The following ODR4 variants were observed in gnomAD, a reference collection of about 807,000 sequenced individuals.
ODR4 encodes the protein odr-4 GPCR localization factor homolog.
Under a neutral mutation model 60.2 loss-of-function variants are expected in ODR4, and 47 were observed. That is an observed-to-expected ratio of 0.78 (90% CI 0.62 to 1.00). The LOEUF is 1.00. ODR4 is among the 50% of genes least tolerant of loss of function. The probability of loss-of-function intolerance (pLI) is 0.00; values close to 1 mark genes in which losing one functional copy is unlikely to be tolerated. For missense variants in ODR4, 488 were observed against 530.8 expected, an observed-to-expected ratio of 0.92 and a Z score of 0.79; for synonymous variants, 178 against 175.5, an observed-to-expected ratio of 1.01 and a Z score of -0.11.
chr1:186,385,915 C>T, intron 3 of ODR4, 73 bp from the exon 4 acceptor site: 1 of 898,146 alleles, frequency 1.1e-6, no homozygotes, highest in Non-Finnish European at 1.8e-6. Flanking sequence ...ACATGCTAAG[C>T]AGACAGTTTC....
the ODR4 span, among the ~76,000 whole-genome samples, chr1:186,433,622 G>A: frequency 7.2e-5 from 11 of 151,962 alleles, no homozygotes; most frequent in African/African-American, 1.9e-4. Flanking sequence ...ACTCTGTGGC[G>A]CAGACTGGAG....
intron 13 of ODR4, 104 bp downstream of exon 13, chr1:186,417,758 A>G (rs1661627046): frequency 5.9e-6 from 4 of 673,880 alleles, no homozygotes; most frequent in Non-Finnish European, 1.0e-5. Context: ...TAAGATTGCT[A>G]GACTTAACAG....
intron 12 of ODR4, among the ~76,000 whole-genome samples, chr1:186,407,383 A>C (rs891500110): frequency 1.3e-5 from 2 of 152,104 alleles, no homozygotes; most frequent in African/African-American, 4.8e-5. Flanking sequence ...TAGTGACTGC[A>C]TTATCTCTGC....
intron 12 of ODR4, among the ~76,000 whole-genome samples, chr1:186,412,112 C>T (rs139341362): frequency 2.1e-4 from 32 of 152,194 alleles, no homozygotes; most frequent in Non-Finnish European, 3.5e-4. Context: ...TAGGATTCTA[C>T]AGATAAAATA....
chr1:186,383,969 G>A (rs946983323), intron 3 of ODR4, among the ~76,000 whole-genome samples: 1 of 152,110 alleles, frequency 6.6e-6, no homozygotes, highest in Non-Finnish European at 1.5e-5. Flanking sequence ...AACCTGGGAG[G>A]CGGAGGTTGC....
chr1:186,411,310 A>G (rs7547924), intron 12 of ODR4, among the ~76,000 whole-genome samples: 6,874 of 152,198 alleles, frequency 0.045, 501 homozygotes, highest in African/African-American at 0.16. Flanking sequence ...TACTACTTCT[A>G]TGTTTCACTT....
intron 4 of ODR4, among the ~76,000 whole-genome samples, chr1:186,387,475 T>G (rs1281586585): frequency 6.6e-6 from 1 of 152,216 alleles, no homozygotes; most frequent in East Asian, 1.9e-4. Flanking sequence ...TCCTTGCTTT[T>G]GTATCTTTTG....
At chr1:186,389,960 T>G (rs765872442) in intron 6 of ODR4, among the ~76,000 whole-genome samples, 3 of 151,990 alleles carry the variant, frequency 2.0e-5, no homozygotes, top group Non-Finnish European at 4.4e-5. Flanking sequence ...GCTAATTATT[T>G]TTGTTTTTTG....
chr1:186,387,375 A>G (rs1200056370), intron 4 of ODR4, among the ~76,000 whole-genome samples: 1 of 152,206 alleles, frequency 6.6e-6, no homozygotes. Flanking sequence ...TAATATTAAT[A>G]GCATTCATTG....
At chr1:186,434,440 AAATTCT>A in the ODR4 span, among the ~76,000 whole-genome samples, 1 of 152,180 alleles carries the variant, frequency 6.6e-6, no homozygotes, top group Non-Finnish European at 1.5e-5. Context: ...TTGCCTCTTT[AAATTCT>A]TACTCTGGAA....
At chr1:186,379,944 ATTAC>A in intron 2 of ODR4, 60 bp downstream of exon 2, 3 of 1,009,582 alleles carry the variant, frequency 3.0e-6, no homozygotes, top group East Asian at 2.8e-5. Flanking sequence ...TATTTTAAAA[ATTAC>A]TTGTTGATTT....
the ODR4 span, among the ~76,000 whole-genome samples, chr1:186,430,181 C>T: frequency 6.6e-6 from 1 of 151,922 alleles, no homozygotes; most frequent in Non-Finnish European, 1.5e-5. Flanking sequence ...GGGTAAATAA[C>T]TATTATCTTT....
chr1:186,433,721 C>T, the ODR4 span, among the ~76,000 whole-genome samples: 1 of 152,098 alleles, frequency 6.6e-6, no homozygotes, highest in African/African-American at 2.4e-5. Flanking sequence ...GCTGGGATTA[C>T]AGGTGCCTGC....
chr1:186,382,178 G>A (rs1410491601), intron 2 of ODR4, among the ~76,000 whole-genome samples: 1 of 151,458 alleles, frequency 6.6e-6, no homozygotes, highest in African/African-American at 2.4e-5. Flanking sequence ...GGCCGAGGTG[G>A]GAGGATTGCT....
At chr1:186,396,667 G>A (rs1184781673) in intron 9 of ODR4, among the ~76,000 whole-genome samples, 1 of 151,404 alleles carries the variant, frequency 6.6e-6, no homozygotes, top group African/African-American at 2.4e-5. Context: ...TCTTTAATAT[G>A]TGTGTGTATA....
At chr1:186,395,056 A>G (rs187587526) in intron 9 of ODR4, among the ~76,000 whole-genome samples, 5 of 152,286 alleles carry the variant, frequency 3.3e-5, no homozygotes, top group Admixed American at 2.0e-4. Context: ...TAGAGAGATG[A>G]GTGGAAGATA....
intron 4 of ODR4, among the ~76,000 whole-genome samples, chr1:186,387,625 T>A (rs1660304061): frequency 1.3e-5 from 2 of 152,244 alleles, no homozygotes; most frequent in Admixed American, 1.3e-4. Flanking sequence ...CACCCATTAT[T>A]GTTAAGGACT....
chr1:186,382,478 A>C (rs951201931), intron 2 of ODR4, among the ~76,000 whole-genome samples: 2 of 152,148 alleles, frequency 1.3e-5, no homozygotes, highest in Admixed American at 6.5e-5. Context: ...AAAACAAAAC[A>C]AAAAACTTGA....
the ODR4 span, among the ~76,000 whole-genome samples, chr1:186,434,048 A>C: frequency 6.6e-6 from 1 of 152,158 alleles, no homozygotes; most frequent in African/African-American, 2.4e-5. Flanking sequence ...AGTTTTTACT[A>C]TGTATATTCT....
Sources: allele counts gnomAD v4.1 joint callset (sites outside exome capture counted in the v4.1 genomes callset), GRCh38; gene constraint gnomAD v4.1.1; transcripts MANE v1.5; gene names NCBI Gene and HGNC (gene_info 2026-07-23, HGNC 2026-07-21).